The following CORIN variants were observed in gnomAD, a reference collection of about 807,000 sequenced individuals.
The protein encoded by CORIN is atrial natriuretic peptide-converting enzyme.
Under a neutral mutation model 125.3 loss-of-function variants are expected in CORIN, and 117 were observed. That is an observed-to-expected ratio of 0.93 (90% confidence interval 0.80 to 1.09). CORIN has a LOEUF of 1.09. CORIN is among the 50% of genes least tolerant of loss of function. CORIN has a pLI of 0.00. For missense variants in CORIN, 1,253 were observed against 1,306.7 expected, an observed-to-expected ratio of 0.96 and a Z score of 0.63; for synonymous variants, 450 against 466.4, an observed-to-expected ratio of 0.96 and a Z score of 0.45.
intron 19 of CORIN, among the ~76,000 whole-genome samples, chr4:47,616,762 C>A (rs1486537594): frequency 6.6e-6 from 1 of 152,058 alleles, no homozygotes; most frequent in African/African-American, 2.4e-5. Context: ...TTTCTGTGAA[C>A]AGTGGCTGGA....
At chr4:47,771,829 C>T (rs1730045377) in intron 3 of CORIN, among the ~76,000 whole-genome samples, 1 of 152,138 alleles carries the variant, frequency 6.6e-6, no homozygotes, top group Non-Finnish European at 1.5e-5. Flanking sequence ...TGTAAAAAGT[C>T]TTTACAGACA....
At chr4:47,749,950 G>C (rs541525291) in intron 4 of CORIN, among the ~76,000 whole-genome samples, 123 of 152,232 alleles carry the variant, frequency 8.1e-4, no homozygotes, top group African/African-American at 2.8e-3. Context: ...TGCATTATGA[G>C]GAAATTGAAG....
intron 6 of CORIN, 150 bp from the exon 7 acceptor site, chr4:47,683,988 GAGATACAACGACC>G: frequency 3.5e-6 from 2 of 576,522 alleles, no homozygotes; most frequent in Non-Finnish European, 6.0e-6. Context: ...GTGGCACACA[GAGATACAACGACC>G]TGTTCAAGGC....
intron 11 of CORIN, among the ~76,000 whole-genome samples, chr4:47,663,889 C>G (rs1021590535): frequency 6.6e-6 from 1 of 152,138 alleles, no homozygotes; most frequent in African/African-American, 2.4e-5. Flanking sequence ...GTTTTATTCT[C>G]TCTATTGGTA....
chr4:47,734,606 T>C (rs1198627388), intron 5 of CORIN, among the ~76,000 whole-genome samples: 1 of 152,218 alleles, frequency 6.6e-6, no homozygotes, highest in Non-Finnish European at 1.5e-5. Context: ...TATCACAGAT[T>C]AGGTTTAACA....
At chr4:47,608,048 C>A (rs549219621) in intron 19 of CORIN, among the ~76,000 whole-genome samples, 3 of 151,844 alleles carry the variant, frequency 2.0e-5, no homozygotes, top group African/African-American at 7.3e-5. Flanking sequence ...TGGCCAGGTG[C>A]GGTGGTTCAC....
chr4:47,623,117 T>TATATATATATATATATATATAC (rs141525347), intron 19 of CORIN, among the ~76,000 whole-genome samples: 1 of 134,522 alleles, frequency 7.4e-6, no homozygotes, highest in African/African-American at 3.1e-5. Flanking sequence ...TATATATATA[T>TATATATATATATATATATATAC]ACACACACAC....
intron 19 of CORIN, among the ~76,000 whole-genome samples, chr4:47,617,069 G>A (rs1219231075): frequency 1.3e-5 from 2 of 152,106 alleles, no homozygotes. Flanking sequence ...AAGACATGAT[G>A]GCATCTATTT....
intron 4 of CORIN, among the ~76,000 whole-genome samples, chr4:47,749,402 T>C (rs1189345510): frequency 6.6e-6 from 1 of 152,218 alleles, no homozygotes; most frequent in Non-Finnish European, 1.5e-5. Flanking sequence ...AGGTTGCCAC[T>C]GGCTAATAGA....
chr4:47,735,689 G>A (rs750702916), intron 5 of CORIN, among the ~76,000 whole-genome samples: 3 of 152,056 alleles, frequency 2.0e-5, no homozygotes, highest in Non-Finnish European at 2.9e-5. Flanking sequence ...GGAAGGCCGA[G>A]GCGGGCGGAT....
intron 5 of CORIN, among the ~76,000 whole-genome samples, chr4:47,693,681 A>G (rs1725866976): frequency 1.3e-5 from 2 of 152,328 alleles, no homozygotes; most frequent in Admixed American, 1.3e-4. Context: ...AATGGCATTC[A>G]CTAATAAAAT....
intron 1 of CORIN, among the ~76,000 whole-genome samples, chr4:47,810,189 GTGTTT>G (rs1226952933): frequency 6.6e-6 from 1 of 151,772 alleles, no homozygotes; most frequent in Non-Finnish European, 1.5e-5. Flanking sequence ...TTTGTTTTTG[GTGTTT>G]TGTTTTGTTT....
chr4:47,835,832 G>A (rs1733369743), intron 1 of CORIN, among the ~76,000 whole-genome samples: 1 of 152,214 alleles, frequency 6.6e-6, no homozygotes, highest in Non-Finnish European at 1.5e-5. Context: ...GTTTCTGATG[G>A]AATGAATTTT....
At chr4:47,709,237 C>G (rs578198643) in intron 5 of CORIN, among the ~76,000 whole-genome samples, 107 of 152,268 alleles carry the variant, frequency 7.0e-4, no homozygotes, top group African/African-American at 2.5e-3. Flanking sequence ...ATAGATAAAT[C>G]CTTCAGCCAG....
rs76381635 is a variant in CORIN, at chr4:47,814,138, C to T, written c.64-7091G>A. Among the ~76,000 whole-genome samples the T allele has an allele frequency of 2.9e-3, 447 of 152,230 alleles. 7 individuals carry two copies. The highest frequency in any genetic ancestry group is 0.015 in the East Asian group (80 of 5,178). ...AGGAAGATGATAAACTGCAAATATA[C>T]TCTTCCATTTCAGCAAAGCAAGGAC... On this transcript the variant is annotated intron_variant, in intron 1 of 21. Coordinates refer to ENST00000273857, the MANE Select transcript of CORIN (RefSeq NM_006587.4).
intron 4 of CORIN, among the ~76,000 whole-genome samples, chr4:47,753,546 C>G (rs1017850825): frequency 2.6e-5 from 4 of 152,052 alleles, no homozygotes; most frequent in Non-Finnish European, 5.9e-5. Context: ...TATAGACCTC[C>G]CCCCAGGAAT....
At chr4:47,724,145 A>T (rs1298963433) in intron 5 of CORIN, among the ~76,000 whole-genome samples, 1 of 152,164 alleles carries the variant, frequency 6.6e-6, no homozygotes, top group Non-Finnish European at 1.5e-5. Context: ...ATACTCCATG[A>T]AGTAAGGGTC....
At chr4:47,758,333 A>C (rs945084339) in intron 4 of CORIN, among the ~76,000 whole-genome samples, 3 of 152,212 alleles carry the variant, frequency 2.0e-5, no homozygotes, top group African/African-American at 7.2e-5. Context: ...AAATTGAAGA[A>C]GGCACAAATA....
At chr4:47,618,022 G>A (rs16860451) in intron 19 of CORIN, among the ~76,000 whole-genome samples, 40,892 of 151,992 alleles carry the variant, frequency 0.27, 5,639 homozygotes, top group Admixed American at 0.35. Context: ...CCTCAGTCCT[G>A]AAGAGCATAG....
Sources: allele counts gnomAD v4.1 joint callset (sites outside exome capture counted in the v4.1 genomes callset), GRCh38; gene constraint gnomAD v4.1.1; transcripts MANE v1.5; gene names NCBI Gene and HGNC (gene_info 2026-07-23, HGNC 2026-07-21).